PDZK1IP1: variants seen among roughly 807,000 people sequenced by gnomAD.
The protein encoded by PDZK1IP1 is PDZK1-interacting protein 1.
PDZK1IP1 carries 9 observed loss-of-function variants against 14.7 expected under a neutral mutation model. The observed-to-expected ratio is 0.61, with a 90% CI of 0.37 to 1.07. The LOEUF is 1.07. Ranked by LOEUF, PDZK1IP1 falls within the 50% of genes least tolerant of loss-of-function variation. The pLI is 0.01. For synonymous variants in PDZK1IP1, 70 were observed against 61.2 expected (o/e 1.14, Z -0.67); for missense variants, 152 against 148.7 (o/e 1.02, Z -0.11).
chr1:47,189,190 C>T (rs1314333474), intron 1 of PDZK1IP1, among the ~76,000 whole-genome samples: 1 of 152,186 alleles, frequency 6.6e-6, no homozygotes, highest in Non-Finnish European at 1.5e-5. Flanking sequence ...TGCCAGTCCC[C>T]TCTGGACCAA....
intron 2 of PDZK1IP1, among the ~76,000 whole-genome samples, chr1:47,187,103 G>C (rs749083957): frequency 3.7e-4 from 57 of 152,204 alleles, no homozygotes; most frequent in Non-Finnish European, 8.1e-4. Context: ...GGGGCCCACA[G>C]TGCCCAGGTC....
At chr1:47,188,690 G>GGGAAGGA (rs1270357310) in intron 1 of PDZK1IP1, among the ~76,000 whole-genome samples, 3 of 152,162 alleles carry the variant, frequency 2.0e-5, no homozygotes, top group Non-Finnish European at 2.9e-5. Context: ...GGCAAATATT[G>GGGAAGGA]GGAAGGAGGA....
At chr1:47,184,129 T>C in intron 3 of PDZK1IP1, 86 bp from the exon 4 acceptor site, 1 of 1,020,834 alleles carries the variant, frequency 9.8e-7, no homozygotes, top group Non-Finnish European at 1.5e-6. Flanking sequence ...CTTGTGACAG[T>C]AATAGCTTCC....
At chr1:47,188,328 G>A (rs1645332245) in intron 1 of PDZK1IP1, among the ~76,000 whole-genome samples, 1 of 152,244 alleles carries the variant, frequency 6.6e-6, no homozygotes, top group Admixed American at 6.5e-5. Context: ...TTTGACCCTT[G>A]ACACCAACAC....
In PDZK1IP1 at chr1:47,186,309, CA is replaced by C. The variant is rs1043119080; in HGVS notation, c.176+1009del. Among the ~76,000 whole-genome samples the C allele has an allele frequency of 2.3e-5, 3 of 131,600 alleles. No individual in the cohort carries two copies. In the South Asian group the frequency reaches 7.4e-4, roughly 32 times the overall value. 86.3% of individuals were successfully genotyped at this position (131,600 alleles called of 152,430 possible). On this transcript the variant is annotated intron_variant, in intron 2 of 3. Coordinates refer to ENST00000294338, the MANE Select transcript of PDZK1IP1 (RefSeq NM_005764.4). ...GGCAACAAGAGCAAAACTCCATCTC[CA>C]AAAAAAAAGAAAAAAAAAAAAAACT...
At position 47,189,753 on chromosome 1, in the gene PDZK1IP1, G is replaced by A. The variant is rs1452306942; in HGVS notation, c.67+113C>T. ...GCCTTGGGACATTCTTTCAGCTAGC[G>A]CAGTCCCTGCTCCCCCTCCAAACTG... On this transcript the variant is annotated intron_variant, in intron 1 of 3. Transcript: ENST00000294338. 46 of 692,710 alleles carry A rather than the reference G, an allele frequency of 6.6e-5. 1 individual carries two copies. In the South Asian group the frequency reaches 7.7e-4, roughly 12 times the overall value. 42.9% of individuals were successfully genotyped at this position (692,710 alleles called of 1,614,324 possible).
chr1:47,183,794 C>G lies in PDZK1IP1; in HGVS notation c.*177G>C. 1.6e-6 allele frequency: 1 copy of G among 631,520 alleles called. No individual in the cohort carries two copies. Among genetic ancestry groups the G allele is most frequent in the Non-Finnish European group, 2.8e-6 (1 of 353,476 alleles). 39.1% of individuals were successfully genotyped at this position (631,520 alleles called of 1,614,324 possible). The stretch of plus-strand genomic sequence containing the variant: ...CCACAGCCGAGCCCCAACCTAGACA[C>G]GGTCTGAGCTCCAACCTTGGCTGGC... On this transcript the variant is annotated 3_prime_UTR_variant, in exon 4 of 4. Coordinates refer to ENST00000294338, the MANE Select transcript of PDZK1IP1 (RefSeq NM_005764.4).
At chr1:47,188,985 T>C (rs1249152668) in intron 1 of PDZK1IP1, among the ~76,000 whole-genome samples, 3 of 152,076 alleles carry the variant, frequency 2.0e-5, no homozygotes, top group African/African-American at 4.8e-5. Flanking sequence ...CCTCCTCCCA[T>C]GCACATACAG....
At chr1:47,185,334 T>C (rs577432804) in intron 2 of PDZK1IP1, 525 of 490,048 alleles carry the variant, frequency 1.1e-3, no homozygotes, top group Non-Finnish European at 1.6e-3. Flanking sequence ...GTCCAAAGCC[T>C]CTCTCTGTCC....
At chr1:47,185,316 T>A in intron 2 of PDZK1IP1, 4 of 536,658 alleles carry the variant, frequency 7.5e-6, no homozygotes, top group Non-Finnish European at 1.3e-5. Flanking sequence ...GCAAAAGATT[T>A]ATCCTGAGTC....
chr1:47,190,002 T>C lies in PDZK1IP1; in HGVS notation c.-70A>G, dbSNP rs1187043513. ...GCTCCTGGAGCTGCTGTGGAGTCTA[T>C]TGGTGTCCGCCTGAAATCAACCTGG... On this transcript the variant is annotated 5_prime_UTR_variant, in exon 1 of 4. Transcript: ENST00000294338. 1.5e-5 allele frequency: 19 copies of C among 1,255,896 alleles called. No individual in the cohort carries two copies. The highest frequency in any genetic ancestry group is 2.1e-5 in the Non-Finnish European group (19 of 925,634). The allele number at this position is 1,255,896 out of a possible 1,614,324, so 77.8% of individuals were successfully genotyped here. A position where few individuals can be genotyped will look rare whatever the true frequency, so the allele number is the denominator to read the frequency against.
rs1645328164 is a variant in PDZK1IP1, at chr1:47,187,547, G to A, written c.68-120C>T. 3.5e-5 allele frequency: 26 copies of A among 738,468 alleles called. No homozygotes were observed. In the South Asian group the frequency reaches 4.4e-4, roughly 13 times the overall value. The allele number at this position is 738,468 out of a possible 1,614,324, so 45.7% of individuals were successfully genotyped here. A position where few individuals can be genotyped will look rare whatever the true frequency, so the allele number is the denominator to read the frequency against. On this transcript the variant is annotated intron_variant, in intron 1 of 3. Transcript: ENST00000294338. Reference sequence around the variant, plus strand: ...GCTGAAGGCCCTCAGCCAGCTGCCAGGAGCAAGGAGACATTGTGGGGAGGC... The same window carrying A: ...GCTGAAGGCCCTCAGCCAGCTGCCAAGAGCAAGGAGACATTGTGGGGAGGC...
At chr1:47,184,864 C>T in intron 3 of PDZK1IP1, 138 bp downstream of exon 3, 1 of 688,294 alleles carries the variant, frequency 1.5e-6, no homozygotes, top group Non-Finnish European at 2.6e-6. Context: ...GCAATCCTCA[C>T]AAAGCCCCCA....
At chr1:47,185,285 A>T in intron 2 of PDZK1IP1, 188 bp from the exon 3 acceptor site, 1 of 585,998 alleles carries the variant, frequency 1.7e-6, no homozygotes, top group Non-Finnish European at 3.1e-6. Context: ...TCCCCACTCC[A>T]TAGTGGGGGG....
In PDZK1IP1 at chr1:47,184,004, C is replaced by T; in HGVS notation, c.312G>A (p.Glu104=). 1 of 1,598,882 alleles carries T rather than the reference C, an allele frequency of 6.3e-7. No homozygotes were observed. Among genetic ancestry groups the T allele is most frequent in the Non-Finnish European group, 8.5e-7 (1 of 1,171,932 alleles). ...EHENAYENVP[E]EEGKVRSTPM Reference sequence around the variant, plus strand: ...GGGTGCTGCGGACCTTGCCTTCCTCCTCGGGCACATTCTCATAGGCATTCT... The same window carrying T: ...GGGTGCTGCGGACCTTGCCTTCCTCTTCGGGCACATTCTCATAGGCATTCT... Residue 104 remains glutamate (E), a synonymous_variant, in exon 4 of 4, where the codon GAG becomes GAA. Transcript: ENST00000294338.
chr1:47,186,522 G>T (rs1419351541), intron 2 of PDZK1IP1, among the ~76,000 whole-genome samples: 1 of 152,206 alleles, frequency 6.6e-6, no homozygotes, highest in Admixed American at 6.5e-5. Context: ...AAGCCACCAG[G>T]CCACCTTTGT....
chr1:47,189,883 G>T lies in PDZK1IP1; in HGVS notation c.50C>A (p.Pro17His). 6.3e-7 allele frequency: 1 copy of T among 1,596,662 alleles called. No homozygotes were observed. ...LILGLLTAVP[P>H]ASCQQGLGNL... Reference sequence around the variant, plus strand: ...TGAGCTACCTTGCTGACAGCTGGCAGGTGGCACTGCCGTGAGCAGGCCCAG... The same window carrying T: ...TGAGCTACCTTGCTGACAGCTGGCATGTGGCACTGCCGTGAGCAGGCCCAG... Residue 17 changes from proline to histidine, a missense_variant, in exon 1 of 4, where the codon CCT becomes CAT. Physicochemically the swap from Pro to His is moderately conservative, Grantham distance 77. Coordinates refer to ENST00000294338, the MANE Select transcript of PDZK1IP1 (RefSeq NM_005764.4).
intron 3 of PDZK1IP1, 36 bp downstream of exon 3, chr1:47,184,966 G>A (rs2148572477): frequency 6.6e-7 from 1 of 1,517,688 alleles, no homozygotes; most frequent in Non-Finnish European, 9.2e-7. Context: ...TTAGGCCCTG[G>A]GAGCACAGAC....
chr1:47,185,144 G>T, intron 2 of PDZK1IP1, 47 bp from the exon 3 acceptor site: 1 of 1,408,948 alleles, frequency 7.1e-7, no homozygotes, highest in East Asian at 2.3e-5. Flanking sequence ...GGCCCCCCTC[G>T]TCCAAGCAGA....
Sources: allele counts gnomAD v4.1 joint callset (sites outside exome capture counted in the v4.1 genomes callset), GRCh38; gene constraint gnomAD v4.1.1; transcripts MANE v1.5; gene names NCBI Gene and HGNC (gene_info 2026-07-23, HGNC 2026-07-21).